Variants in GRM7 observed in about 807,000 individuals in gnomAD.
GRM7 encodes glutamate metabotropic receptor 7, also known as metabotropic glutamate receptor 7.
A neutral mutation model predicts 84.5 loss-of-function variants in GRM7; 35 were observed. The observed-to-expected ratio is 0.41, with a 90% CI of 0.32 to 0.55. GRM7 has a LOEUF of 0.55. Among genes scored for constraint, GRM7 ranks in the 20% least tolerant of loss-of-function variants. The pLI is 0.19. For synonymous variants in GRM7, 487 were observed against 455.1 expected, an observed-to-expected ratio of 1.07 and a Z score of -0.89; for missense variants, 1,003 against 1,194.6, an observed-to-expected ratio of 0.84 and a Z score of 2.36.
At chr3:7,084,345 G>A (rs1221457416) in intron 1 of GRM7, among the ~76,000 whole-genome samples, 1 of 152,058 alleles carries the variant, frequency 6.6e-6, no homozygotes, top group Non-Finnish European at 1.5e-5. Flanking sequence ...AGGTAGGTAG[G>A]GCCCAGGAAT....
intron 7 of GRM7, among the ~76,000 whole-genome samples, chr3:7,566,605 G>C (rs904688880): frequency 2.0e-5 from 3 of 152,082 alleles, no homozygotes; most frequent in East Asian, 3.8e-4. Flanking sequence ...ACAAGGAGAT[G>C]GCTTTTCTAC....
intron 8 of GRM7, among the ~76,000 whole-genome samples, chr3:7,579,809 A>G (rs1001302616): frequency 2.6e-5 from 4 of 152,164 alleles, no homozygotes; most frequent in Non-Finnish European, 5.9e-5. Context: ...TACCTAGGCT[A>G]TTGCTGTCCA....
intron 1 of GRM7, among the ~76,000 whole-genome samples, chr3:6,934,575 A>G (rs1697622683): frequency 6.6e-6 from 1 of 152,204 alleles, no homozygotes; most frequent in Non-Finnish European, 1.5e-5. Flanking sequence ...ATAGGAGGGT[A>G]TAACTGCATA....
intron 1 of GRM7, among the ~76,000 whole-genome samples, chr3:7,088,585 C>A (rs554057846): frequency 6.7e-6 from 1 of 149,928 alleles, no homozygotes; most frequent in South Asian, 2.1e-4. Flanking sequence ...TTGGTTACAA[C>A]CTCTCCACTT....
At chr3:7,290,363 A>G (rs1258798454) in intron 2 of GRM7, among the ~76,000 whole-genome samples, 3 of 152,250 alleles carry the variant, frequency 2.0e-5, no homozygotes, top group Non-Finnish European at 2.9e-5. Flanking sequence ...TAAGTCAGCT[A>G]GCATGCATAT....
chr3:7,038,303 T>C (rs1199377117), intron 1 of GRM7, among the ~76,000 whole-genome samples: 3 of 152,206 alleles, frequency 2.0e-5, no homozygotes, highest in Admixed American at 2.0e-4. Context: ...CATTAATACA[T>C]AGCCTTATTG....
chr3:7,095,738 A>G (rs1698833336), intron 1 of GRM7, among the ~76,000 whole-genome samples: 1 of 152,114 alleles, frequency 6.6e-6, no homozygotes, highest in Admixed American at 6.6e-5. Context: ...TAAAAAAATT[A>G]TGACTTCTGT....
At chr3:7,236,844 T>G (rs1697365214) in intron 2 of GRM7, among the ~76,000 whole-genome samples, 1 of 152,166 alleles carries the variant, frequency 6.6e-6, no homozygotes, top group African/African-American at 2.4e-5. Flanking sequence ...AAACCACCCA[T>G]GGATTCCTGA....
intron 7 of GRM7, among the ~76,000 whole-genome samples, chr3:7,463,897 C>T (rs144628085): frequency 7.2e-5 from 11 of 152,240 alleles, no homozygotes; most frequent in African/African-American, 2.6e-4. Context: ...GAGGGAGTGG[C>T]TGCATCAGAT....
At chr3:6,867,990 A>G (rs900529295) in intron 1 of GRM7, among the ~76,000 whole-genome samples, 1 of 152,228 alleles carries the variant, frequency 6.6e-6, no homozygotes, top group Non-Finnish European at 1.5e-5. Context: ...ATGATATAGG[A>G]TATATGTCAC....
chr3:7,464,218 A>G (rs1698368660), intron 7 of GRM7, among the ~76,000 whole-genome samples: 1 of 150,324 alleles, frequency 6.7e-6, no homozygotes, highest in South Asian at 2.1e-4. Context: ...GACATGTGTG[A>G]TAGTGAAGAT....
At chr3:6,888,827 C>T (rs9821615) in intron 1 of GRM7, among the ~76,000 whole-genome samples, 35,481 of 151,714 alleles carry the variant, frequency 0.23, 4,443 homozygotes, top group African/African-American at 0.29. Flanking sequence ...TTGGGCAGTA[C>T]GGCCATTTTC....
rs754548402 is a variant in GRM7, at chr3:7,103,806, CTT to C, written c.520-42644_520-42643del. 1.3e-3 allele frequency among the ~76,000 whole-genome samples: 137 copies of C among 108,084 alleles called. 3 individuals are homozygous for C. The highest frequency in any genetic ancestry group is 3.3e-3 in the African/African-American group (64 of 19,504). 70.9% of individuals were successfully genotyped at this position (108,084 alleles called of 152,430 possible). A position where few individuals can be genotyped will look rare whatever the true frequency, so the allele number is the denominator to read the frequency against. ...TCTTTCTTTCTTTCTTTCTTTCTTT[CTT>C]TCTTTCTTTCTCTCTCTCTCTGTCT... On this transcript the variant is annotated intron_variant, in intron 1 of 9. Coordinates refer to ENST00000357716, the MANE Select transcript of GRM7 (RefSeq NM_000844.4).
At chr3:6,923,295 G>A (rs528056093) in intron 1 of GRM7, among the ~76,000 whole-genome samples, 3 of 150,392 alleles carry the variant, frequency 2.0e-5, no homozygotes, top group Admixed American at 1.3e-4. Context: ...GATTACAGGC[G>A]TGAGCTACCA....
At chr3:7,519,648 T>C (rs1700518651) in intron 7 of GRM7, 1 of 152,210 alleles carries the variant, frequency 6.6e-6, no homozygotes, top group Non-Finnish European at 1.5e-5. Flanking sequence ...GTGTGAGTAA[T>C]GTCAGGCACC....
intron 7 of GRM7, among the ~76,000 whole-genome samples, chr3:7,526,958 T>C (rs1445029132): frequency 6.6e-6 from 1 of 151,996 alleles, no homozygotes; most frequent in Non-Finnish European, 1.5e-5. Context: ...AGTCAGGTGA[T>C]GTGATTCATC....
At chr3:7,205,678 T>C (rs1696212071) in intron 2 of GRM7, among the ~76,000 whole-genome samples, 1 of 152,188 alleles carries the variant, frequency 6.6e-6, no homozygotes, top group South Asian at 2.1e-4. Context: ...TCTGGGTAAT[T>C]ATGTGGTATG....
intron 5 of GRM7, among the ~76,000 whole-genome samples, chr3:7,450,573 A>G (rs1358582322): frequency 1.3e-5 from 2 of 152,180 alleles, no homozygotes; most frequent in African/African-American, 2.4e-5. Context: ...GCAAATGAAT[A>G]ATCATAACAG....
At chr3:7,248,660 A>C (rs1697864917) in intron 2 of GRM7, among the ~76,000 whole-genome samples, 1 of 152,160 alleles carries the variant, frequency 6.6e-6, no homozygotes, top group Admixed American at 6.6e-5. Flanking sequence ...ATTTCTTTCC[A>C]GCATAATAAT....
Sources: gnomAD v4.1 joint callset for allele counts (sites outside exome capture counted in the v4.1 genomes callset) on GRCh38, gnomAD v4.1.1 for gene constraint, MANE v1.5 for transcripts, NCBI Gene and HGNC (gene_info 2026-07-23, HGNC 2026-07-21) for gene names.